Variants in ZNF536 observed in about 807,000 individuals in gnomAD.
ZNF536 encodes zinc finger protein 536.
A neutral mutation model predicts 84.5 loss-of-function variants in ZNF536; 13 were observed. The observed-to-expected ratio is 0.15, with a 90% CI of 0.10 to 0.24. The LOEUF (loss-of-function observed/expected upper bound fraction) is 0.24. Ranked by LOEUF, ZNF536 falls within the 10% of genes least tolerant of loss-of-function variation. The pLI is 1.00. For missense variants in ZNF536, 1,536 were observed against 1,747.5 expected (o/e 0.88, Z 2.16); for synonymous variants, 811 against 742.5 (o/e 1.09, Z -1.50).
In ZNF536 at chr19:30,535,171, C is replaced by T. The variant is rs549246849; in HGVS notation, c.2323+172C>T. Among the ~76,000 whole-genome samples, 5 of 152,332 alleles carry T rather than the reference C, an allele frequency of 3.3e-5. No individual in the cohort carries two copies. In the East Asian group the frequency reaches 5.8e-4, roughly 18 times the overall value. ...CAGAAGCGGCCCTCATTTCCTGATT[C>T]GTCACTTAACTAACATTCACCTCGC... On this transcript the variant is annotated intron_variant, in intron 3 of 4. Transcript: ENST00000355537.
At chr19:30,280,083 C>T (rs1187336025) in intron 1 of ZNF536, among the ~76,000 whole-genome samples, 1 of 152,116 alleles carries the variant, frequency 6.6e-6, no homozygotes, top group Admixed American at 6.5e-5. Flanking sequence ...ATTGAAGCAG[C>T]CCTCGCACCT....
At chr19:30,457,050 A>ACC (rs1555771681) in intron 2 of ZNF536, among the ~76,000 whole-genome samples, 21 of 151,462 alleles carry the variant, frequency 1.4e-4, no homozygotes, top group African/African-American at 5.1e-4. Flanking sequence ...TCAAAAAAAA[A>ACC]AAAAAACAAA....
chr19:30,508,880 T>C (rs1356170214), intron 2 of ZNF536, among the ~76,000 whole-genome samples: 1 of 139,382 alleles, frequency 7.2e-6, no homozygotes, highest in African/African-American at 2.7e-5. Context: ...CAGGCTGGAG[T>C]ACAGTGGCAT....
intron 1 of ZNF536, among the ~76,000 whole-genome samples, chr19:30,563,880 C>G (rs2046261293): frequency 6.6e-6 from 1 of 152,184 alleles, no homozygotes; most frequent in South Asian, 2.1e-4. Flanking sequence ...AGCCCAAGGA[C>G]AGGCTGGGGC....
chr19:30,526,709 G>A (rs1490017933), intron 2 of ZNF536, among the ~76,000 whole-genome samples: 2 of 104,596 alleles, frequency 1.9e-5, no homozygotes, highest in African/African-American at 3.3e-5. Flanking sequence ...GGGCGACAGA[G>A]CGAGACTCCG....
chr19:30,536,547 G>T (rs1421134567), intron 3 of ZNF536, among the ~76,000 whole-genome samples: 4 of 152,102 alleles, frequency 2.6e-5, no homozygotes, highest in African/African-American at 4.8e-5. Context: ...ATAACCCCAG[G>T]GTCTGCAAGG....
chr19:30,678,716 T>C (rs1489239020), intron 1 of ZNF536, among the ~76,000 whole-genome samples: 1 of 147,894 alleles, frequency 6.8e-6, no homozygotes, highest in African/African-American at 2.5e-5. Flanking sequence ...TCGGAGCTCC[T>C]TGGTACCCAC....
chr19:30,380,465 C>T (rs926631412), intron 1 of ZNF536, among the ~76,000 whole-genome samples: 1 of 152,174 alleles, frequency 6.6e-6, no homozygotes, highest in Non-Finnish European at 1.5e-5. Context: ...CCCTGAGACA[C>T]TGTGAGGCCA....
chr19:30,277,894 TC>T (rs1334695310), intron 1 of ZNF536, among the ~76,000 whole-genome samples: 1 of 152,190 alleles, frequency 6.6e-6, no homozygotes, highest in African/African-American at 2.4e-5. Context: ...CGTTGGTATG[TC>T]ATGCCCTCTG....
intron 2 of ZNF536, among the ~76,000 whole-genome samples, chr19:30,520,015 A>G (rs2044254371): frequency 2.6e-5 from 4 of 152,212 alleles, no homozygotes; most frequent in African/African-American, 2.4e-5. Flanking sequence ...TGAACCCTCA[A>G]ACATGAGTGG....
chr19:30,317,355 C>T (rs1331557426), intron 2 of ZNF536, among the ~76,000 whole-genome samples: 2 of 152,214 alleles, frequency 1.3e-5, no homozygotes, highest in East Asian at 1.9e-4. Context: ...AAGCCACCCC[C>T]CAGGCATTAG....
intron 1 of ZNF536, among the ~76,000 whole-genome samples, chr19:30,578,892 A>G (rs1409526458): frequency 6.6e-6 from 1 of 152,186 alleles, no homozygotes; most frequent in African/African-American, 2.4e-5. Flanking sequence ...GGACCATTTC[A>G]GAGTACAAGC....
At chr19:30,412,604 C>T (rs1459704405) in intron 1 of ZNF536, among the ~76,000 whole-genome samples, 1 of 151,914 alleles carries the variant, frequency 6.6e-6, no homozygotes. Context: ...ATGAGATTGC[C>T]TTATAGCTTC....
chr19:30,268,801 C>CATGTTCTG (rs1475600328), intron 1 of ZNF536, among the ~76,000 whole-genome samples: 1 of 152,198 alleles, frequency 6.6e-6, no homozygotes, highest in East Asian at 1.9e-4. Flanking sequence ...CCTTCTTGAG[C>CATGTTCTG]ATGTTCTGTG....
intron 1 of ZNF536, among the ~76,000 whole-genome samples, chr19:30,663,646 G>A (rs551126029): frequency 1.6e-4 from 24 of 152,266 alleles, no homozygotes; most frequent in African/African-American, 5.8e-4. Flanking sequence ...GTCCTGAAAT[G>A]TCAAAGAGTG....
At chr19:30,371,696 G>A, upstream of ZNF536, among the ~76,000 whole-genome samples, 1 of 151,520 alleles carries the variant, frequency 6.6e-6, no homozygotes, top group East Asian at 1.9e-4. Context: ...AAAGGAGGGG[G>A]CATTGCCAGC....
intron 2 of ZNF536, among the ~76,000 whole-genome samples, chr19:30,307,025 G>A (rs1274641098): frequency 6.6e-6 from 1 of 151,954 alleles, no homozygotes; most frequent in African/African-American, 2.4e-5. Flanking sequence ...GAATTCTAAA[G>A]GCATGAATCC....
intron 2 of ZNF536, among the ~76,000 whole-genome samples, chr19:30,446,908 C>T (rs1484482055): frequency 1.3e-5 from 2 of 152,166 alleles, no homozygotes. Flanking sequence ...TTGCCTTCAT[C>T]CATATTTCCA....
intron 1 of ZNF536, among the ~76,000 whole-genome samples, chr19:30,652,179 T>A (rs2049733429): frequency 6.6e-6 from 1 of 152,236 alleles, no homozygotes. Context: ...ATGAAATATT[T>A]CTCAGAACCA....
Sources: gnomAD v4.1 joint callset for allele counts (sites outside exome capture counted in the v4.1 genomes callset) on GRCh38, gnomAD v4.1.1 for gene constraint, MANE v1.5 for transcripts, NCBI Gene and HGNC (gene_info 2026-07-23, HGNC 2026-07-21) for gene names.